The following STK32A variants were observed in gnomAD, a reference collection of about 807,000 sequenced individuals.
STK32A encodes serine/threonine kinase 32A.
In STK32A, 41 loss-of-function variants were observed where a neutral mutation model predicts 53.2. The observed-to-expected ratio is 0.77, with a 90% confidence interval of 0.60 to 1.00. The LOEUF is 1.00. Among genes scored for constraint, STK32A ranks in the 50% least tolerant of loss-of-function variants. The pLI is 0.00. For synonymous variants in STK32A, 166 were observed against 162.8 expected, an observed-to-expected ratio of 1.02 and a Z score of -0.15; for missense variants, 458 against 485.8, an observed-to-expected ratio of 0.94 and a Z score of 0.54.
chr5:147,352,892 A>C (rs1756050697), intron 7 of STK32A, among the ~76,000 whole-genome samples: 1 of 151,924 alleles, frequency 6.6e-6, no homozygotes, highest in Non-Finnish European at 1.5e-5. Flanking sequence ...TTCACATGGG[A>C]CCCTCCAATG....
chr5:147,366,981 T>G (rs1334431911), intron 8 of STK32A, among the ~76,000 whole-genome samples: 2 of 152,158 alleles, frequency 1.3e-5, no homozygotes, highest in Non-Finnish European at 2.9e-5. Flanking sequence ...CAATTTTTAT[T>G]TTTTATCTCT....
At chr5:147,296,084 A>G (rs1752853760) in intron 4 of STK32A, among the ~76,000 whole-genome samples, 1 of 152,226 alleles carries the variant, frequency 6.6e-6, no homozygotes, top group South Asian at 2.1e-4. Flanking sequence ...GTAAATTTCA[A>G]TATAGCCAGC....
At chr5:147,240,882 C>T (rs1753542651) in intron 2 of STK32A, among the ~76,000 whole-genome samples, 1 of 152,172 alleles carries the variant, frequency 6.6e-6, no homozygotes, top group Non-Finnish European at 1.5e-5. Context: ...CTCAGAGTGG[C>T]TAACCAACAC....
intron 2 of STK32A, among the ~76,000 whole-genome samples, chr5:147,270,192 A>G (rs540965698): frequency 2.4e-4 from 36 of 152,310 alleles, no homozygotes; most frequent in African/African-American, 7.2e-4. Flanking sequence ...ATTTAACTAC[A>G]TAAAATTTAA....
downstream of STK32A, chr5:147,391,236 A>G (rs1016191695): frequency 2.6e-5 from 4 of 152,624 alleles, no homozygotes; most frequent in African/African-American, 7.2e-5. Context: ...TGACACTCTC[A>G]GTATAGACAG....
chr5:147,395,969 G>A, the STK32A span, among the ~76,000 whole-genome samples: 1,988 of 152,244 alleles, frequency 0.013, 125 homozygotes, highest in East Asian at 0.19. Flanking sequence ...ATCAAAGGAC[G>A]TTGCTATGGG....
rs992901890 is a variant in STK32A, at chr5:147,343,234, T to C, written c.472+191T>C. 6 of 758,018 alleles carry C rather than the reference T, an allele frequency of 7.9e-6. No individual in the cohort carries two copies. In the African/African-American group the frequency reaches 1.0e-4, roughly 13 times the overall value. The allele number at this position is 758,018 out of a possible 1,614,324, so 47.0% of individuals were successfully genotyped here. The stretch of plus-strand genomic sequence containing the variant: ...CAGGTTATAGTACAACAATACACCC[T>C]TAAATCACATTGAATTTACCTAATG... On this transcript the variant is annotated intron_variant, in intron 6 of 12. Coordinates refer to ENST00000397936, the MANE Select transcript of STK32A (RefSeq NM_001112724.2).
intron 1 of STK32A, among the ~76,000 whole-genome samples, chr5:147,238,672 TATAA>T (rs1561660382): frequency 2.0e-5 from 3 of 152,184 alleles, no homozygotes. Context: ...AATACATATA[TATAA>T]ATGTGATATA....
At chr5:147,316,328 T>G (rs997258495) in intron 4 of STK32A, among the ~76,000 whole-genome samples, 1 of 152,200 alleles carries the variant, frequency 6.6e-6, no homozygotes, top group Non-Finnish European at 1.5e-5. Flanking sequence ...TATTTATAAC[T>G]ATACATCTAT....
intron 8 of STK32A, among the ~76,000 whole-genome samples, chr5:147,366,244 T>C (rs1756736577): frequency 6.6e-6 from 1 of 152,230 alleles, no homozygotes; most frequent in Admixed American, 6.5e-5. Context: ...AAAGCATCTC[T>C]TGGGTTTTTT....
chr5:147,370,202 T>G (rs2152002995), intron 8 of STK32A, among the ~76,000 whole-genome samples: 1 of 152,256 alleles, frequency 6.6e-6, no homozygotes, highest in Non-Finnish European at 1.5e-5. Context: ...AGCTTCCTCA[T>G]TATGTTGCAG....
At chr5:147,375,284 G>A (rs1757189318) in intron 11 of STK32A, 66 bp downstream of exon 11, 4 of 1,552,594 alleles carry the variant, frequency 2.6e-6, no homozygotes, top group African/African-American at 1.4e-5. Context: ...ATCTTCGAGA[G>A]CTTCTACTGG....
intron 6 of STK32A, chr5:147,343,245 T>C: frequency 1.3e-6 from 1 of 748,812 alleles, no homozygotes; most frequent in Admixed American, 1.7e-5. Flanking sequence ...TAAATCACAT[T>C]GAATTTACCT....
At chr5:147,290,499 C>T (rs969079668) in intron 4 of STK32A, among the ~76,000 whole-genome samples, 3 of 152,154 alleles carry the variant, frequency 2.0e-5, no homozygotes, top group Non-Finnish European at 4.4e-5. Flanking sequence ...AGCCTGAAAA[C>T]AAATAGGCCC....
downstream of STK32A, among the ~76,000 whole-genome samples, chr5:147,388,945 C>T (rs551920343): frequency 1.3e-5 from 2 of 152,302 alleles, no homozygotes; most frequent in African/African-American, 4.8e-5. Context: ...CAGGGAGAGG[C>T]ACTTCACCAA....
the STK32A span, among the ~76,000 whole-genome samples, chr5:147,397,033 ATATATTTATATATTATTC>A: frequency 1.4e-5 from 2 of 147,714 alleles, no homozygotes; most frequent in African/African-American, 4.9e-5. Flanking sequence ...ATGTTTATTT[ATATATTTATATATTATTC>A]TATATTTATA....
chr5:147,293,128 A>C (rs911832861), intron 4 of STK32A, among the ~76,000 whole-genome samples: 1 of 152,194 alleles, frequency 6.6e-6, no homozygotes, highest in African/African-American at 2.4e-5. Context: ...TTTATGAAGA[A>C]TCTAAGTAAA....
chr5:147,329,580 A>G (rs1342410349), intron 5 of STK32A, among the ~76,000 whole-genome samples: 1 of 152,240 alleles, frequency 6.6e-6, no homozygotes, highest in Non-Finnish European at 1.5e-5. Flanking sequence ...CATGTGCCAT[A>G]AAGAATGAAA....
intron 2 of STK32A, among the ~76,000 whole-genome samples, chr5:147,248,563 G>A (rs1455078449): frequency 6.6e-6 from 1 of 152,220 alleles, no homozygotes; most frequent in African/African-American, 2.4e-5. Context: ...CGATTGAGGA[G>A]CATCCAACAG....
Sources: gnomAD v4.1 joint callset for allele counts (sites outside exome capture counted in the v4.1 genomes callset) on GRCh38, gnomAD v4.1.1 for gene constraint, MANE v1.5 for transcripts, NCBI Gene and HGNC (gene_info 2026-07-23, HGNC 2026-07-21) for gene names.